Variants in DNAJC8 observed in about 807,000 individuals in gnomAD.
DNAJC8 encodes the protein DnaJ heat shock protein family (Hsp40) member C8.
A neutral mutation model predicts 43.2 loss-of-function variants in DNAJC8; 24 were observed. The ratio of observed to expected loss-of-function variants is 0.56; its 90% CI spans 0.40 to 0.78. The LOEUF (loss-of-function observed/expected upper bound fraction) is 0.78. Ranked by LOEUF, DNAJC8 falls within the 30% of genes least tolerant of loss-of-function variation. The probability of loss-of-function intolerance (pLI) is 0.00; values close to 1 mark genes in which losing one functional copy is unlikely to be tolerated. For synonymous variants in DNAJC8, 83 were observed against 98.0 expected (o/e 0.85, Z 0.90); for missense variants, 207 against 299.4 (o/e 0.69, Z 2.28).
At chr1:28,216,545 T>G (rs771678980) in intron 2 of DNAJC8, among the ~76,000 whole-genome samples, 1 of 152,114 alleles carries the variant, frequency 6.6e-6, no homozygotes, top group Non-Finnish European at 1.5e-5. Flanking sequence ...CCCTGATTGA[T>G]TTTTTAAAAA....
intron 3 of DNAJC8, among the ~76,000 whole-genome samples, chr1:28,212,414 A>G (rs1646821368): frequency 6.7e-6 from 1 of 149,106 alleles, no homozygotes; most frequent in South Asian, 2.1e-4. Context: ...AGCTGGGACT[A>G]CAGGCACGGC....
rs138121284 is a variant in DNAJC8 at position 28,201,071 on chromosome 1, C to T, written c.*177G>A. ...GAAAGGTCTTTTTTTAAACCAAGCC[C>T]CTCATTTCAATGTACAAAAGAATTA... is the stretch of plus-strand genomic sequence containing the variant. On this transcript the variant is annotated 3_prime_UTR_variant, in exon 9 of 9. Transcript: ENST00000263697. The T allele has an allele frequency of 1.0e-3, 950 of 948,556 alleles. 7 individuals are homozygous for T. The African/African-American group carries it at 0.015, about 15-fold the overall frequency. The allele number at this position is 948,556 out of a possible 1,614,324, so 58.8% of individuals were successfully genotyped here.
intron 6 of DNAJC8, among the ~76,000 whole-genome samples, chr1:28,208,017 A>T (rs944396148): frequency 6.6e-6 from 1 of 152,070 alleles, no homozygotes; most frequent in Non-Finnish European, 1.5e-5. Flanking sequence ...GACCAGACTG[A>T]CAAACATGGA....
At chr1:28,212,214 T>TATATATATATATATATATATATATAA (rs1553167928) in intron 3 of DNAJC8, among the ~76,000 whole-genome samples, 1 of 113,572 alleles carries the variant, frequency 8.8e-6, no homozygotes, top group Admixed American at 1.0e-4. Flanking sequence ...TATATATATA[T>TATATATATATATATATATATATATAA]AAATGAAATT....
chr1:28,214,741 T>C (rs1646839382), intron 3 of DNAJC8, among the ~76,000 whole-genome samples, 199 bp downstream of exon 3: 1 of 152,130 alleles, frequency 6.6e-6, no homozygotes, highest in Admixed American at 6.6e-5. Flanking sequence ...AAATTCATTC[T>C]ATTCATAGGT....
intron 2 of DNAJC8, among the ~76,000 whole-genome samples, chr1:28,216,446 A>T (rs1646855292): frequency 6.6e-6 from 1 of 152,190 alleles, no homozygotes; most frequent in African/African-American, 2.4e-5. Flanking sequence ...CCCAAATAAA[A>T]GAAAGAACAG....
chr1:28,203,714 G>T (rs771514441), intron 8 of DNAJC8, 33 bp downstream of exon 8: 2 of 1,609,628 alleles, frequency 1.2e-6, no homozygotes, highest in South Asian at 2.2e-5. Flanking sequence ...CCTTATTCTG[G>T]AATTAGAATC....
At position 28,200,789 on chromosome 1, in the gene DNAJC8, C is replaced by A; in HGVS notation, c.*459G>T. On this transcript the variant is annotated 3_prime_UTR_variant, in exon 9 of 9. Transcript: ENST00000263697. ...GTGTTCCCTGTCTTATCTGGGCCTT[C>A]GAAGGGAGCACACCCAGAAGCGAGC... The A allele has an allele frequency of 2.5e-6, 1 of 401,840 alleles. No homozygotes were observed. Among genetic ancestry groups the A allele is most frequent in the Non-Finnish European group, 4.9e-6 (1 of 202,992 alleles). The allele number at this position is 401,840 out of a possible 1,614,324, so 24.9% of individuals were successfully genotyped here.
At chr1:28,209,623 A>C (rs932766290) in intron 5 of DNAJC8, among the ~76,000 whole-genome samples, 4 of 152,220 alleles carry the variant, frequency 2.6e-5, no homozygotes, top group African/African-American at 7.2e-5. Context: ...GACAAGAATA[A>C]AAATCAAGAG....
intron 3 of DNAJC8, among the ~76,000 whole-genome samples, chr1:28,211,752 C>T (rs1047064700): frequency 5.9e-5 from 9 of 152,066 alleles, no homozygotes; most frequent in African/African-American, 1.9e-4. Flanking sequence ...AGTGATTATG[C>T]AAGAAAATGT....
intron 6 of DNAJC8, among the ~76,000 whole-genome samples, chr1:28,207,499 A>G (rs1462546398): frequency 6.6e-6 from 1 of 151,540 alleles, no homozygotes; most frequent in Non-Finnish European, 1.5e-5. Flanking sequence ...GCGGAGGTGC[A>G]GTGGCGCGAT....
intron 6 of DNAJC8, among the ~76,000 whole-genome samples, chr1:28,205,774 G>A (rs1391725305): frequency 6.6e-6 from 1 of 152,128 alleles, no homozygotes; most frequent in African/African-American, 2.4e-5. Flanking sequence ...TGTAATCCCA[G>A]CTACTCGGGA....
intron 1 of DNAJC8, among the ~76,000 whole-genome samples, chr1:28,229,974 G>A (rs911668783): frequency 1.1e-4 from 16 of 151,924 alleles, no homozygotes; most frequent in Admixed American, 1.1e-3. Context: ...TTGGCCAGGC[G>A]GAGTAGCTGT....
chr1:28,227,135 G>A (rs537875498), intron 2 of DNAJC8, among the ~76,000 whole-genome samples: 17 of 126,956 alleles, frequency 1.3e-4, no homozygotes, highest in Middle Eastern at 9.4e-3. Flanking sequence ...TTGGACAGGC[G>A]CGGTGGCTCA....
chr1:28,201,885 C>T (rs1019890055), intron 8 of DNAJC8, among the ~76,000 whole-genome samples: 4 of 150,932 alleles, frequency 2.7e-5, no homozygotes, highest in African/African-American at 4.9e-5. Context: ...GTTGGGAGTT[C>T]GAGACCAGCC....
At chr1:28,208,279 T>C in intron 6 of DNAJC8, 63 bp downstream of exon 6, 1 of 1,309,634 alleles carries the variant, frequency 7.6e-7, no homozygotes, top group Non-Finnish European at 1.1e-6. Context: ...TCTGTCTCTG[T>C]AACCCACCAA....
intron 2 of DNAJC8, among the ~76,000 whole-genome samples, chr1:28,222,485 C>CAAAAAAAAAAAAAA (rs35878807): frequency 2.2e-5 from 1 of 44,692 alleles, no homozygotes. Flanking sequence ...GACTCCATCT[C>CAAAAAAAAAAAAAA]AAAAAAAAAA....
At chr1:28,227,101 TCTC>T (rs1222809936) in intron 2 of DNAJC8, among the ~76,000 whole-genome samples, 8 of 123,528 alleles carry the variant, frequency 6.5e-5, no homozygotes, top group Admixed American at 2.5e-4. Flanking sequence ...TTTCTCTCTC[TCTC>T]TTTTTTTTTT....
chr1:28,214,999 G>C lies in DNAJC8; in HGVS notation c.181-3C>G, dbSNP rs1253300153. 6.2e-7 allele frequency: 1 copy of C among 1,600,674 alleles called. No individual in the cohort carries two copies. Among genetic ancestry groups the C allele is most frequent in the South Asian group, 1.1e-5 (1 of 88,490 alleles). The stretch of plus-strand genomic sequence containing the variant: ...ACTTCAGGATCTATCTGAAGAACCT[G>C]GAAGTATCAAAATCAAAACCATAAA... On this transcript the variant is annotated splice_polypyrimidine_tract_variant and splice_region_variant and intron_variant, in intron 2 of 8. Coordinates refer to ENST00000263697, the MANE Select transcript of DNAJC8 (RefSeq NM_014280.3).
Sources: gnomAD v4.1 joint callset for allele counts (sites outside exome capture counted in the v4.1 genomes callset) on GRCh38, gnomAD v4.1.1 for gene constraint, MANE v1.5 for transcripts, NCBI Gene and HGNC (gene_info 2026-07-23, HGNC 2026-07-21) for gene names.